The following MAPKAP1 variants were observed in gnomAD, a reference collection of about 807,000 sequenced individuals.
The protein encoded by MAPKAP1 is MAPK associated protein 1.
MAPKAP1 carries 20 observed loss-of-function variants against 65.7 expected under a neutral mutation model. The ratio of observed to expected loss-of-function variants is 0.30; its 90% CI spans 0.21 to 0.44. The LOEUF is 0.44. Among genes scored for constraint, MAPKAP1 ranks in the 20% least tolerant of loss-of-function variants. MAPKAP1 has a pLI of 1.00. For missense variants in MAPKAP1, 423 were observed against 648.0 expected (o/e 0.65, Z 3.77); for synonymous variants, 222 against 244.3 (o/e 0.91, Z 0.85).
intron 10 of MAPKAP1, among the ~76,000 whole-genome samples, chr9:125,462,485 A>G (rs1853533545): frequency 6.6e-6 from 1 of 152,258 alleles, no homozygotes; most frequent in Non-Finnish European, 1.5e-5. Context: ...GGGTGGATTA[A>G]GACAGCCTCT....
intron 4 of MAPKAP1, among the ~76,000 whole-genome samples, chr9:125,654,276 T>C (rs1041945745): frequency 2.0e-5 from 3 of 152,170 alleles, no homozygotes; most frequent in African/African-American, 4.8e-5. Flanking sequence ...ACCTCTAGAA[T>C]AGAGGTTTTG....
intron 10 of MAPKAP1, among the ~76,000 whole-genome samples, chr9:125,467,482 G>A (rs1589216848): frequency 6.6e-6 from 1 of 152,214 alleles, no homozygotes; most frequent in Non-Finnish European, 1.5e-5. Context: ...AGGTCATGCA[G>A]CTGCCAATAA....
intron 4 of MAPKAP1, among the ~76,000 whole-genome samples, chr9:125,654,665 C>T (rs1444576158): frequency 3.3e-5 from 5 of 152,132 alleles, no homozygotes; most frequent in African/African-American, 1.2e-4. Flanking sequence ...CTACAGGAAC[C>T]AAAAATTACT....
At chr9:125,589,469 C>T (rs559426517) in intron 4 of MAPKAP1, among the ~76,000 whole-genome samples, 2 of 152,286 alleles carry the variant, frequency 1.3e-5, no homozygotes, top group African/African-American at 4.8e-5. Context: ...ATGAATGACT[C>T]CAGTGCCTGC....
intron 8 of MAPKAP1, among the ~76,000 whole-genome samples, chr9:125,504,088 C>T (rs1829069459): frequency 6.6e-6 from 1 of 151,848 alleles, no homozygotes; most frequent in Non-Finnish European, 1.5e-5. Context: ...ATTTTTAGGT[C>T]TTTCGATATT....
intron 4 of MAPKAP1, among the ~76,000 whole-genome samples, chr9:125,634,932 G>A (rs954618156): frequency 2.6e-5 from 4 of 152,112 alleles, no homozygotes; most frequent in Non-Finnish European, 5.9e-5. Context: ...AAGAACAGAA[G>A]CTGGGACAGT....
chr9:125,663,123 C>T (rs942846529), intron 3 of MAPKAP1, among the ~76,000 whole-genome samples: 2 of 152,174 alleles, frequency 1.3e-5, no homozygotes, highest in East Asian at 1.9e-4. Context: ...CACATCACTA[C>T]TCTGATCAAA....
intron 4 of MAPKAP1, among the ~76,000 whole-genome samples, chr9:125,603,749 G>A (rs996279893): frequency 6.6e-6 from 1 of 151,984 alleles, no homozygotes; most frequent in Non-Finnish European, 1.5e-5. Flanking sequence ...GATTTCCTCG[G>A]AAGGCTGCTA....
chr9:125,540,050 T>C (rs1830196193), intron 7 of MAPKAP1, among the ~76,000 whole-genome samples: 1 of 152,226 alleles, frequency 6.6e-6, no homozygotes, highest in South Asian at 2.1e-4. Context: ...TTACAAATAA[T>C]GCAAATCAAA....
At chr9:125,645,898 G>A (rs760349387) in intron 4 of MAPKAP1, among the ~76,000 whole-genome samples, 1 of 152,086 alleles carries the variant, frequency 6.6e-6, no homozygotes, top group Non-Finnish European at 1.5e-5. Flanking sequence ...ACACCTGGAA[G>A]GCAGAGTTCC....
At chr9:125,611,718 T>A (rs616224) in intron 4 of MAPKAP1, among the ~76,000 whole-genome samples, 140,904 of 152,258 alleles carry the variant, frequency 0.93, 66,062 homozygotes, top group East Asian at 1. Flanking sequence ...TTCACTAGAG[T>A]TAATCACAAA....
chr9:125,680,744 C>T (rs1834798050), intron 1 of MAPKAP1, among the ~76,000 whole-genome samples: 3 of 152,318 alleles, frequency 2.0e-5, no homozygotes, highest in African/African-American at 7.2e-5. Context: ...GGCCTGCCCC[C>T]TCCAGAAGTT....
rs1018430273 is a variant in MAPKAP1 at position 125,480,109 on chromosome 9, TTTG to T, written c.1207+4331_1207+4333del. Among the ~76,000 whole-genome samples the T allele has an allele frequency of 4.9e-4, 74 of 152,256 alleles. 1 individual carries two copies. Among genetic ancestry groups the T allele is most frequent in the African/African-American group, 1.6e-3 (67 of 41,550 alleles). ...ATTTCTGGATTGCTAGGTGTGGGTT[TTTG>T]TTGTTGTTAGAATGTGAGGGTGATA... On this transcript the variant is annotated intron_variant, in intron 9 of 11. Coordinates refer to ENST00000265960, the MANE Select transcript of MAPKAP1 (RefSeq NM_001006617.3).
chr9:125,679,589 T>A (rs1834761071), intron 1 of MAPKAP1, among the ~76,000 whole-genome samples: 1 of 152,168 alleles, frequency 6.6e-6, no homozygotes, highest in Non-Finnish European at 1.5e-5. Context: ...ACTTTAAATA[T>A]CTAGTTACGT....
intron 6 of MAPKAP1, among the ~76,000 whole-genome samples, chr9:125,554,904 G>A (rs754871622): frequency 2.6e-5 from 4 of 151,436 alleles, no homozygotes; most frequent in Non-Finnish European, 5.9e-5. Flanking sequence ...AATAATGGAC[G>A]AGTAGTTAAA....
intron 6 of MAPKAP1, among the ~76,000 whole-genome samples, chr9:125,543,831 T>C (rs1564550120): frequency 6.6e-6 from 1 of 152,114 alleles, no homozygotes; most frequent in Non-Finnish European, 1.5e-5. Context: ...GCAACAAGGA[T>C]TGACAACTGA....
chr9:125,617,838 G>C (rs777250576), intron 4 of MAPKAP1, among the ~76,000 whole-genome samples: 1 of 152,158 alleles, frequency 6.6e-6, no homozygotes, highest in Admixed American at 6.5e-5. Context: ...AGGAGGACAC[G>C]GAGGGGACTT....
At chr9:125,612,602 C>T (rs1464278823) in intron 4 of MAPKAP1, among the ~76,000 whole-genome samples, 1 of 152,106 alleles carries the variant, frequency 6.6e-6, no homozygotes, top group Non-Finnish European at 1.5e-5. Context: ...TTGAACAGGC[C>T]AGCATTCATG....
intron 1 of MAPKAP1, among the ~76,000 whole-genome samples, chr9:125,699,795 T>C (rs1303433185): frequency 1.3e-5 from 2 of 151,982 alleles, no homozygotes; most frequent in Non-Finnish European, 2.9e-5. Context: ...CTAATATTTT[T>C]GTAGAGACAG....
Sources: allele counts gnomAD v4.1 joint callset (sites outside exome capture counted in the v4.1 genomes callset), GRCh38; gene constraint gnomAD v4.1.1; transcripts MANE v1.5; gene names NCBI Gene and HGNC (gene_info 2026-07-23, HGNC 2026-07-21).